The following PAXIP1 variants were observed in gnomAD, a reference collection of about 807,000 sequenced individuals.
PAXIP1 encodes the protein PAX-interacting protein 1.
PAXIP1 carries 19 observed loss-of-function variants against 140.6 expected under a neutral mutation model. The ratio of observed to expected loss-of-function variants is 0.14; its 90% CI spans 0.09 to 0.20. PAXIP1 has a LOEUF of 0.20. PAXIP1 is among the 10% of genes least tolerant of loss of function. The pLI, the probability that PAXIP1 is intolerant of heterozygous loss-of-function variation, is 1.00. For synonymous variants in PAXIP1, 442 were observed against 444.6 expected, an observed-to-expected ratio of 0.99 and a Z score of 0.07; for missense variants, 920 against 1,208.6, an observed-to-expected ratio of 0.76 and a Z score of 3.54.
chr7:154,946,832 A>G lies in PAXIP1; in HGVS notation c.2923-19T>C, dbSNP rs183889833. On this transcript the variant is annotated intron_variant, in intron 17 of 20. Transcript: ENST00000404141. This position sits in a 1 kb window ranked among gnomAD's most constrained non-coding sequence, Gnocchi z 4.9. Reference sequence around the variant, plus strand: ...ATTTTGCCTAAAATTAAATGAAAATATATGTATTATGTTCTTAAAATGCTT... The same window carrying G: ...ATTTTGCCTAAAATTAAATGAAAATGTATGTATTATGTTCTTAAAATGCTT... The G allele has an allele frequency of 1.3e-4, 191 of 1,509,802 alleles. No homozygotes were observed. Among genetic ancestry groups the G allele is most frequent in the Admixed American group, 2.5e-4 (13 of 51,964 alleles). The allele number at this position is 1,509,802 out of a possible 1,614,324, so 93.5% of individuals were successfully genotyped here. A position where few individuals can be genotyped will look rare whatever the true frequency, so the allele number is the denominator to read the frequency against.
rs1585071014 is a variant in PAXIP1, at chr7:154,981,014, G to A, written c.438+2205C>T. Among the ~76,000 whole-genome samples, 11 of 152,192 alleles carry A rather than the reference G, an allele frequency of 7.2e-5. 1 individual carries two copies. The South Asian group carries it at 2.3e-3, about 32-fold the overall frequency. ...CACGAGCCTGTAATCCCAGCTACTTGGGAGGCTGAGGCAGGAGAATTGTGT... is the reference window on the plus strand; with the variant it reads ...CACGAGCCTGTAATCCCAGCTACTTAGGAGGCTGAGGCAGGAGAATTGTGT... On this transcript the variant is annotated intron_variant, in intron 5 of 20. Coordinates refer to ENST00000404141, the MANE Select transcript of PAXIP1 (RefSeq NM_007349.4).
chr7:154,963,727 T>A lies in PAXIP1; in HGVS notation c.1933A>T (p.Thr645Ser), dbSNP rs749620101. Residue 645 changes from threonine (T) to serine (S), a missense_variant, in exon 9 of 21, where the codon ACG becomes TCG. Physicochemically the swap from Thr to Ser is moderately conservative, Grantham distance 58. Coordinates refer to ENST00000404141, the MANE Select transcript of PAXIP1 (RefSeq NM_007349.4). This position sits in a 1 kb window ranked among gnomAD's most constrained non-coding sequence, Gnocchi z 4.1. ...AHGGTVDPTF[T>S]SRCTHLLCES... is the part of the protein sequence containing the mutation. ...CAGAGAAGGTGCGTGCATCGACTCG[T>A]GAAGGTGGGGTCAACAGTGCCGCCA... The A allele has an allele frequency of 3.1e-6, 5 of 1,613,612 alleles. No individual in the cohort carries two copies. The highest frequency in any genetic ancestry group is 4.2e-6 in the Non-Finnish European group (5 of 1,179,760).
intron 5 of PAXIP1, among the ~76,000 whole-genome samples, chr7:154,977,079 C>A (rs1401265443): frequency 6.6e-6 from 1 of 152,070 alleles, no homozygotes; most frequent in African/African-American, 2.4e-5. Context: ...TGACAATTTG[C>A]ACAGTTAGAA....
At chr7:154,992,408 G>A (rs1289533409) in intron 3 of PAXIP1, among the ~76,000 whole-genome samples, 7 of 152,248 alleles carry the variant, frequency 4.6e-5, no homozygotes, top group African/African-American at 1.4e-4. Context: ...TTAGCTGGGC[G>A]TGGTGGCGCA....
intron 6 of PAXIP1, 98 bp downstream of exon 6, chr7:154,975,598 G>T: frequency 5.4e-6 from 4 of 746,856 alleles, no homozygotes; most frequent in Non-Finnish European, 8.6e-6. Context: ...TAAGTTATTT[G>T]GTCTGAAAAA....
chr7:154,976,253 T>C lies in PAXIP1; in HGVS notation c.517A>G (p.Lys173Glu), dbSNP rs763691936. 2 of 1,614,056 alleles carry C rather than the reference T, an allele frequency of 1.2e-6. No homozygotes were observed. The highest frequency in any genetic ancestry group is 1.6e-4 in the Middle Eastern group (1 of 6,062). Residue 173 changes from lysine to glutamate, a missense_variant, in exon 6 of 21, where the codon AAA becomes GAA. Coordinates refer to ENST00000404141, the MANE Select transcript of PAXIP1 (RefSeq NM_007349.4). ...TAAAATGCTTCGTCCTTTTTGGTTT[T>C]CTCTGATACGCAATCCAGAACCCAG... The part of the protein sequence containing the change: ...PDWVLDCVSE[K>E]TKKDEAFYHP...
At position 154,955,644 on chromosome 7, in the gene PAXIP1, T is replaced by C; in HGVS notation, c.2550-13A>G. The C allele has an allele frequency of 1.4e-6, 2 of 1,417,600 alleles. No homozygotes were observed. Among genetic ancestry groups the C allele is most frequent in the South Asian group, 1.3e-5 (1 of 78,914 alleles). 87.8% of individuals were successfully genotyped at this position (1,417,600 alleles called of 1,614,324 possible). On this transcript the variant is annotated splice_polypyrimidine_tract_variant and intron_variant, in intron 14 of 20. Transcript: ENST00000404141. ...TACGTCTTCAATTCTGTGGAAGAAA[T>C]ACACATAAAATAGTAGTGATTTCAT...
intron 2 of PAXIP1, among the ~76,000 whole-genome samples, chr7:154,994,430 C>T (rs1478580833): frequency 1.3e-5 from 2 of 152,110 alleles, no homozygotes; most frequent in Non-Finnish European, 2.9e-5. Context: ...TGGAAGGCAG[C>T]TGACTTCCAG....
Position 154,973,922 on chromosome 7 carries a change from G to A in PAXIP1, c.1074+1774C>T, listed in dbSNP as rs911088039. Among the ~76,000 whole-genome samples, 4 of 152,126 alleles carry A rather than the reference G, an allele frequency of 2.6e-5. No homozygotes were observed. The highest frequency in any genetic ancestry group is 4.1e-4 in the South Asian group (2 of 4,824). ...TCCAGAACAAGGTGAAGCGGCAGAC[G>A]GGGTGTCACCATCAGATGGAACAGC... On this transcript the variant is annotated intron_variant, in intron 6 of 20. Transcript: ENST00000404141. This position sits in a 1 kb window ranked among gnomAD's most constrained non-coding sequence, Gnocchi z 4.0.
intron 5 of PAXIP1, among the ~76,000 whole-genome samples, chr7:154,982,821 T>C (rs1257839326): frequency 6.6e-6 from 1 of 152,132 alleles, no homozygotes; most frequent in Non-Finnish European, 1.5e-5. Flanking sequence ...GAAGAAAATA[T>C]ATAGAAAATT....
rs1808834924 is a variant in PAXIP1, at chr7:154,963,076, A to G, written c.1989+595T>C. 6.6e-6 allele frequency among the ~76,000 whole-genome samples: 1 copy of G among 152,206 alleles called. No homozygotes were observed. The highest frequency in any genetic ancestry group is 6.5e-5 in the Admixed American group (1 of 15,284). On this transcript the variant is annotated intron_variant, in intron 9 of 20. Coordinates refer to ENST00000404141, the MANE Select transcript of PAXIP1 (RefSeq NM_007349.4). This position sits in a 1 kb window ranked among gnomAD's most constrained non-coding sequence, Gnocchi z 4.1. ...GCTCTGTAAGGGACCTGGTCTTTAC[A>G]CGCTTGTGTGCAAGTCACACACCAG...
At chr7:154,959,848 T>C (rs781039033) in intron 13 of PAXIP1, 42 bp downstream of exon 13, 3 of 1,306,932 alleles carry the variant, frequency 2.3e-6, no homozygotes, top group Non-Finnish European at 3.3e-6. Flanking sequence ...TGCATCTTAA[T>C]AATACAGTAA....
intron 4 of PAXIP1, among the ~76,000 whole-genome samples, chr7:154,989,427 C>T (rs216579): frequency 0.64 from 96,999 of 152,014 alleles, 31,156 homozygotes; most frequent in Admixed American, 0.72. Flanking sequence ...AAGGTGTGCA[C>T]AGAAAAAGAT....
intron 15 of PAXIP1, 64 bp downstream of exon 15, chr7:154,955,465 G>T: frequency 1.1e-6 from 1 of 908,550 alleles, no homozygotes; most frequent in Non-Finnish European, 1.8e-6. Flanking sequence ...CTGCTGATCT[G>T]AAGTAAATAT....
At position 154,963,749 on chromosome 7, in the gene PAXIP1, G is replaced by A. The variant is rs766446567; in HGVS notation, c.1911C>T (p.Gly637=). Residue 637 remains glycine (G), a synonymous_variant, in exon 9 of 21, where the codon GGC becomes GGT. Coordinates refer to ENST00000404141, the MANE Select transcript of PAXIP1 (RefSeq NM_007349.4). The surrounding 1 kb of genome is among the most constrained non-coding windows in gnomAD (Gnocchi z 4.1). ...ATWKRIIQAH[G]GTVDPTFTSR... ...TCGTGAAGGTGGGGTCAACAGTGCC[G>A]CCATGTGCCTGGATTATCTACACAC... 3.0e-5 allele frequency: 49 copies of A among 1,612,454 alleles called. No homozygotes were observed. The highest frequency in any genetic ancestry group is 7.7e-5 in the South Asian group (7 of 90,796).
chr7:154,957,940 G>C (rs367882736), intron 13 of PAXIP1, among the ~76,000 whole-genome samples: 2,580 of 135,294 alleles, frequency 0.019, 26 homozygotes, highest in Non-Finnish European at 0.03. Flanking sequence ...GCAGTCCGCA[G>C]TCTGGCCTGG....
At chr7:155,002,515 G>A (rs1810960497) in intron 1 of PAXIP1, among the ~76,000 whole-genome samples, 3 of 151,942 alleles carry the variant, frequency 2.0e-5, no homozygotes, top group Admixed American at 1.3e-4. Flanking sequence ...ACGCGACCCC[G>A]CGCCCGTCCC....
At chr7:154,996,971 C>G (rs1200713653) in intron 2 of PAXIP1, among the ~76,000 whole-genome samples, 1 of 152,040 alleles carries the variant, frequency 6.6e-6, no homozygotes, top group Non-Finnish European at 1.5e-5. Context: ...TATGCAAAGC[C>G]GCTTTACTGA....
intron 16 of PAXIP1, among the ~76,000 whole-genome samples, chr7:154,953,423 G>A (rs1040467413): frequency 6.6e-6 from 1 of 152,188 alleles, no homozygotes; most frequent in Non-Finnish European, 1.5e-5. Context: ...CAGTGTGGTT[G>A]GGGCAGAAAG....
Sources: gnomAD v4.1 joint callset for allele counts (sites outside exome capture counted in the v4.1 genomes callset) on GRCh38, gnomAD v4.1.1 for gene constraint, Gnocchi (gnomAD v3.1) non-coding constraint, MANE v1.5 for transcripts, NCBI Gene and HGNC (gene_info 2026-07-23, HGNC 2026-07-21) for gene names.